The following CTNND2 variants were observed in gnomAD, a reference collection of about 807,000 sequenced individuals.
The protein encoded by CTNND2 is catenin delta 2.
In CTNND2, 22 loss-of-function variants were observed where a neutral mutation model predicts 144.4. That is an observed-to-expected ratio of 0.15 (90% CI 0.11 to 0.22). The LOEUF is 0.22. Among genes scored for constraint, CTNND2 ranks in the 10% least tolerant of loss-of-function variants. The pLI is 1.00. For missense variants in CTNND2, 1,353 were observed against 1,618.8 expected, an observed-to-expected ratio of 0.84 and a Z score of 2.82; for synonymous variants, 751 against 695.6, an observed-to-expected ratio of 1.08 and a Z score of -1.25.
intron 18 of CTNND2, among the ~76,000 whole-genome samples, chr5:10,995,481 T>C (rs1222700760): frequency 6.6e-6 from 1 of 152,120 alleles, no homozygotes; most frequent in Non-Finnish European, 1.5e-5. Context: ...TTTGGTCAGG[T>C]TGGTAAATGT....
intron 2 of CTNND2, among the ~76,000 whole-genome samples, chr5:11,655,924 C>T (rs902879684): frequency 6.6e-6 from 1 of 151,742 alleles, no homozygotes; most frequent in African/African-American, 2.4e-5. Context: ...TAATACGGGA[C>T]GTACTGAGTC....
chr5:10,984,745 A>G (rs1044399495), intron 20 of CTNND2, among the ~76,000 whole-genome samples: 2 of 152,140 alleles, frequency 1.3e-5, no homozygotes, highest in Admixed American at 1.3e-4. Flanking sequence ...CCAATTCCCA[A>G]CTGAATCAAC....
chr5:11,418,532 T>C (rs1762090689), intron 3 of CTNND2, among the ~76,000 whole-genome samples: 1 of 152,182 alleles, frequency 6.6e-6, no homozygotes, highest in African/African-American at 2.4e-5. Context: ...GTTGGAAGAA[T>C]GGCAAAATCA....
chr5:11,538,610 T>A (rs1219607591), intron 3 of CTNND2, among the ~76,000 whole-genome samples: 1 of 152,184 alleles, frequency 6.6e-6, no homozygotes, highest in Non-Finnish European at 1.5e-5. Flanking sequence ...ACATGGCAAT[T>A]GAGAAACTTT....
At chr5:11,020,942 G>A (rs770415071) in intron 17 of CTNND2, among the ~76,000 whole-genome samples, 21 of 152,132 alleles carry the variant, frequency 1.4e-4, no homozygotes, top group Non-Finnish European at 2.4e-4. Flanking sequence ...CCAAATTAAA[G>A]GGCATTTATG....
intron 2 of CTNND2, among the ~76,000 whole-genome samples, chr5:11,659,072 G>T (rs926091242): frequency 2.0e-5 from 3 of 152,002 alleles, no homozygotes; most frequent in Non-Finnish European, 4.4e-5. Flanking sequence ...TTCACCCTTT[G>T]TATTCACGGT....
At chr5:11,841,054 C>A (rs1256780522) in intron 1 of CTNND2, among the ~76,000 whole-genome samples, 1 of 152,080 alleles carries the variant, frequency 6.6e-6, no homozygotes, top group Admixed American at 6.5e-5. Flanking sequence ...CAATAATATT[C>A]TATTTTAGAT....
chr5:11,828,391 A>G (rs1359375129), intron 1 of CTNND2, among the ~76,000 whole-genome samples: 10 of 152,128 alleles, frequency 6.6e-5, no homozygotes. Flanking sequence ...TAAGCTGGGC[A>G]TGGTGGGAGG....
At chr5:11,293,644 T>C (rs1748595170) in intron 9 of CTNND2, among the ~76,000 whole-genome samples, 1 of 151,762 alleles carries the variant, frequency 6.6e-6, no homozygotes, top group East Asian at 2.0e-4. Flanking sequence ...TCTTAATATG[T>C]GTAGAGCAAC....
Position 11,087,326 on chromosome 5 carries a change from C to T in CTNND2, c.2638-4480G>A, listed in dbSNP as rs905149499. On this transcript the variant is annotated intron_variant, in intron 15 of 21. Coordinates refer to ENST00000304623, the MANE Select transcript of CTNND2 (RefSeq NM_001332.4). ...GCTTATTTAGTTAGTCTTATTTTTA[C>T]CAGTAGTTTATTATAAAAACAATGC... 2.6e-5 allele frequency among the ~76,000 whole-genome samples: 4 copies of T among 152,250 alleles called. No individual in the cohort carries two copies. In the East Asian group the frequency reaches 7.7e-4, roughly 29 times the overall value.
At chr5:11,867,905 G>A (rs1795848506) in intron 1 of CTNND2, among the ~76,000 whole-genome samples, 1 of 150,788 alleles carries the variant, frequency 6.6e-6, no homozygotes, top group Non-Finnish European at 1.5e-5. Flanking sequence ...CATCTAGAAT[G>A]CCTCACTGTT....
intron 8 of CTNND2, among the ~76,000 whole-genome samples, chr5:11,347,737 T>C (rs373462355): frequency 8.1e-4 from 123 of 152,348 alleles, no homozygotes; most frequent in African/African-American, 2.7e-3. Flanking sequence ...AATTAGGTTC[T>C]AATTATCAAT....
At chr5:11,420,134 C>T (rs377610741) in intron 3 of CTNND2, among the ~76,000 whole-genome samples, 1 of 152,044 alleles carries the variant, frequency 6.6e-6, no homozygotes, top group African/African-American at 2.4e-5. Flanking sequence ...TCAGCCTGGC[C>T]AACACAGTGA....
chr5:11,328,134 T>G (rs1448792523), intron 9 of CTNND2, among the ~76,000 whole-genome samples: 1 of 152,182 alleles, frequency 6.6e-6, no homozygotes, highest in African/African-American at 2.4e-5. Flanking sequence ...TTAGGTTGAT[T>G]TATACATATG....
intron 3 of CTNND2, among the ~76,000 whole-genome samples, chr5:11,439,303 T>C (rs549619271): frequency 6.6e-6 from 1 of 152,262 alleles, no homozygotes; most frequent in African/African-American, 2.4e-5. Flanking sequence ...GCAGAGGGGA[T>C]GCCTTGGTCA....
chr5:11,893,170 G>T (rs1270947511), intron 1 of CTNND2, among the ~76,000 whole-genome samples: 1 of 152,126 alleles, frequency 6.6e-6, no homozygotes, highest in East Asian at 1.9e-4. Context: ...GTTTACTACT[G>T]AAAGATCTTA....
At chr5:11,491,720 C>T (rs16901668) in intron 3 of CTNND2, among the ~76,000 whole-genome samples, 2,177 of 152,314 alleles carry the variant, frequency 0.014, 50 homozygotes, top group African/African-American at 0.05. Flanking sequence ...TGCTCTGGTT[C>T]CTCGTCGGTG....
chr5:11,819,388 T>A (rs966321712), intron 1 of CTNND2, among the ~76,000 whole-genome samples: 3 of 152,068 alleles, frequency 2.0e-5, no homozygotes, highest in African/African-American at 4.8e-5. Flanking sequence ...TAAGCTGACA[T>A]CACTCCACTT....
At chr5:11,449,770 C>G (rs1765137780) in intron 3 of CTNND2, among the ~76,000 whole-genome samples, 1 of 152,190 alleles carries the variant, frequency 6.6e-6, no homozygotes. Flanking sequence ...GTCTCCTTAA[C>G]TAGAATGTAA....
Sources: allele counts gnomAD v4.1 joint callset (sites outside exome capture counted in the v4.1 genomes callset), GRCh38; gene constraint gnomAD v4.1.1; transcripts MANE v1.5; gene names NCBI Gene and HGNC (gene_info 2026-07-23, HGNC 2026-07-21).